CCDC187: variants seen among roughly 807,000 people sequenced by gnomAD.
The protein encoded by CCDC187 is coiled-coil domain-containing protein 187.
A neutral mutation model predicts 38.0 loss-of-function variants in CCDC187; 32 were observed. The observed-to-expected ratio is 0.84, with a 90% CI of 0.64 to 1.13. CCDC187 has a LOEUF of 1.13. CCDC187 is among the 50% of genes most tolerant of loss of function. CCDC187 has a pLI of 0.00. For synonymous variants in CCDC187, 333 were observed against 347.9 expected, an observed-to-expected ratio of 0.96 and a Z score of 0.48; for missense variants, 707 against 786.8, an observed-to-expected ratio of 0.90 and a Z score of 1.21.
chr9:136,285,947 C>A (rs1342084742), intron 8 of CCDC187, 138 bp downstream of exon 8: 4 of 397,338 alleles, frequency 1.0e-5, no homozygotes, highest in South Asian at 1.4e-4. Flanking sequence ...GCTGCTCAGA[C>A]CCCCTGGACT....
chr9:136,279,218 T>C (rs972800555), intron 10 of CCDC187, among the ~76,000 whole-genome samples: 16 of 152,276 alleles, frequency 1.1e-4, no homozygotes, highest in South Asian at 2.1e-4. Flanking sequence ...TGTTTAAGTC[T>C]AGAAGGTTCC....
chr9:136,260,066 C>A (rs1830662760), intron 20 of CCDC187, 53 bp downstream of exon 20: 1 of 984,696 alleles, frequency 1.0e-6, no homozygotes, highest in Admixed American at 6.1e-5. Flanking sequence ...TGCCCAGGGC[C>A]CACTGAATGA....
intron 6 of CCDC187, among the ~76,000 whole-genome samples, 151 bp downstream of exon 6, chr9:136,290,335 G>A (rs1831289121): frequency 6.6e-6 from 1 of 152,130 alleles, no homozygotes; most frequent in African/African-American, 2.4e-5. Context: ...TACAGGCAGT[G>A]GCAGCGACGC....
intron 7 of CCDC187, among the ~76,000 whole-genome samples, chr9:136,287,759 G>A (rs1374766851): frequency 6.6e-6 from 1 of 152,222 alleles, no homozygotes; most frequent in Non-Finnish European, 1.5e-5. Context: ...CCTGGGACAG[G>A]CAAATCCATA....
At chr9:136,306,421 G>T (rs1831805240), upstream of CCDC187, among the ~76,000 whole-genome samples, 1 of 152,190 alleles carries the variant, frequency 6.6e-6, no homozygotes, top group African/African-American at 2.4e-5. Flanking sequence ...TGGGGGGACG[G>T]TCCCCTGGGG....
intron 9 of CCDC187, among the ~76,000 whole-genome samples, chr9:136,283,108 G>A (rs1381723933): frequency 6.6e-6 from 1 of 152,248 alleles, no homozygotes; most frequent in African/African-American, 2.4e-5. Context: ...AATTAGCTGG[G>A]CGTGGTGGCG....
intron 3 of CCDC187, 104 bp downstream of exon 3, chr9:136,300,116 C>T (rs1383153445): frequency 7.6e-6 from 3 of 396,602 alleles, no homozygotes; most frequent in East Asian, 3.6e-5. Flanking sequence ...TCCTCCCTGA[C>T]CCTCAGTGTC....
chr9:136,284,035 G>C (rs942410129), intron 9 of CCDC187, among the ~76,000 whole-genome samples: 1 of 152,206 alleles, frequency 6.6e-6, no homozygotes, highest in African/African-American at 2.4e-5. Context: ...TGAGGGCAAA[G>C]GGGGCTTCAG....
intron 2 of CCDC187, among the ~76,000 whole-genome samples, chr9:136,300,545 T>C (rs995089936): frequency 2.0e-5 from 3 of 151,624 alleles, no homozygotes; most frequent in Admixed American, 6.6e-5. Flanking sequence ...TCCCGAGTAG[T>C]TGGGCCAACA....
At chr9:136,304,814 C>T (rs1831773843), upstream of CCDC187, among the ~76,000 whole-genome samples, 1 of 152,218 alleles carries the variant, frequency 6.6e-6, no homozygotes, top group Non-Finnish European at 1.5e-5. Flanking sequence ...ATCATGAGCA[C>T]GGATTTGTTC....
At chr9:136,289,670 G>A (rs1831267001) in intron 7 of CCDC187, among the ~76,000 whole-genome samples, 1 of 152,192 alleles carries the variant, frequency 6.6e-6, no homozygotes, top group South Asian at 2.1e-4. Flanking sequence ...AGTAGAAGTG[G>A]TGGTTGCACA....
In CCDC187 at chr9:136,251,997, CCTGGTCCACCCTGGGAAG is replaced by C. The variant is rs1830546720; in HGVS notation, c.*1579_*1596del. ...ACCGTCCCGCGGAGCCGGCCGCCCA[CCTGGTCCACCCTGGGAAG>C]AGCCGGCCGCCCACCCAGTCCACCC... On this transcript the variant is annotated 3_prime_UTR_variant, in exon 26 of 26. Transcript: ENST00000638797. 11 of 107,918 alleles carry C rather than the reference CCTGGTCCACCCTGGGAAG, an allele frequency of 1.0e-4. No homozygotes were observed. Among genetic ancestry groups the C allele is most frequent in the Admixed American group, 9.6e-4 (11 of 11,420 alleles). 6.7% of individuals were successfully genotyped at this position (107,918 alleles called of 1,614,324 possible). A position where few individuals can be genotyped will look rare whatever the true frequency, so the allele number is the denominator to read the frequency against.
chr9:136,263,194 G>C (rs1830699517), intron 18 of CCDC187, among the ~76,000 whole-genome samples: 1 of 76,452 alleles, frequency 1.3e-5, no homozygotes, highest in Admixed American at 1.5e-4. Context: ...CCCTCCATCT[G>C]CCCCACCCCA....
rs1448557519 is a variant in CCDC187 at position 136,254,232 on chromosome 9, G to A, written c.5596C>T (p.Pro1866Ser). The A allele has an allele frequency of 4.1e-6, 4 of 985,332 alleles. No homozygotes were observed. Among genetic ancestry groups the A allele is most frequent in the Non-Finnish European group, 4.8e-6 (4 of 829,994 alleles). 61.0% of individuals were successfully genotyped at this position (985,332 alleles called of 1,614,324 possible). ...AACACCACACCGGCGGCCTCAGGGG[G>A]TGCCTGGAGGGCTTCTCCTGTGTCT... is the stretch of plus-strand genomic sequence containing the variant. ...VSDTGEALQA[P>S]PEAAGVVFPL... Residue 1866 changes from proline to serine, a missense_variant, in exon 26 of 26, where the codon CCC (proline) becomes TCC (serine). By Grantham distance (74) the Pro-to-Ser change is moderately conservative. Transcript: ENST00000638797.
intron 10 of CCDC187, among the ~76,000 whole-genome samples, chr9:136,280,433 AC>A (rs1276162003): frequency 6.6e-6 from 1 of 151,868 alleles, no homozygotes; most frequent in Non-Finnish European, 1.5e-5. Context: ...GAAGACGCAG[AC>A]CCTTCCTCCC....
Position 136,255,016 on chromosome 9 carries a change from C to T in CCDC187, c.4812G>A (p.Gly1604=). ...GSESASGTCW[G]PSEEATVSSH... ...ATGACACCGTGGCTTCTTCCGAAGG[C>T]CCCCAGCAGGTTCCAGAAGCAGACT... The change falls in exon 26 of 26, where the codon GGG becomes GGA. Residue 1604 remains glycine (G), a synonymous_variant. Transcript: ENST00000638797. 2 of 985,498 alleles carry T rather than the reference C, an allele frequency of 2.0e-6. No individual in the cohort carries two copies. Among genetic ancestry groups the T allele is most frequent in the Non-Finnish European group, 2.4e-6 (2 of 829,994 alleles). The allele number at this position is 985,498 out of a possible 1,614,324, so 61.0% of individuals were successfully genotyped here. A position where few individuals can be genotyped will look rare whatever the true frequency, so the allele number is the denominator to read the frequency against.
intron 14 of CCDC187, among the ~76,000 whole-genome samples, chr9:136,272,374 G>A (rs1243785755): frequency 6.6e-6 from 1 of 152,226 alleles, no homozygotes; most frequent in Middle Eastern, 3.4e-3. Context: ...TTTAAAATAA[G>A]CCTGGGCAAC....
chr9:136,286,043 C>A, intron 8 of CCDC187, 42 bp downstream of exon 8: 1 of 398,112 alleles, frequency 2.5e-6, no homozygotes, highest in East Asian at 3.6e-5. Context: ...CACAGGACCC[C>A]CTGGCCACCC....
At position 136,259,021 on chromosome 9, in the gene CCDC187, T is replaced by A; in HGVS notation, c.4297-20A>T. The A allele has an allele frequency of 3.1e-6, 3 of 978,348 alleles. No homozygotes were observed. The highest frequency in any genetic ancestry group is 3.6e-6 in the Non-Finnish European group (3 of 828,528). The allele number at this position is 978,348 out of a possible 1,614,324, so 60.6% of individuals were successfully genotyped here. On this transcript the variant is annotated intron_variant, in intron 21 of 25. Transcript: ENST00000638797. The stretch of plus-strand genomic sequence containing the variant: ...CTCGGCCTGGGGGGTGAGACGGGAG[T>A]GGACATGGCACAGGGCCCTGAAGGG...
Sources: allele counts gnomAD v4.1 joint callset (sites outside exome capture counted in the v4.1 genomes callset), GRCh38; gene constraint gnomAD v4.1.1; transcripts MANE v1.5; gene names NCBI Gene and HGNC (gene_info 2026-07-23, HGNC 2026-07-21).